The following HS6ST3 variants were observed in gnomAD, a reference collection of about 807,000 sequenced individuals.
The protein encoded by HS6ST3 is heparan-sulfate 6-O-sulfotransferase 3.
In HS6ST3, 12 loss-of-function variants were observed where a neutral mutation model predicts 36.7. The observed-to-expected ratio is 0.33, with a 90% CI of 0.21 to 0.53. The LOEUF (loss-of-function observed/expected upper bound fraction) is 0.53. HS6ST3 is among the 20% of genes least tolerant of loss of function. HS6ST3 has a pLI of 0.95. For missense variants in HS6ST3, 584 were observed against 640.9 expected, an observed-to-expected ratio of 0.91 and a Z score of 0.96; for synonymous variants, 240 against 257.5, an observed-to-expected ratio of 0.93 and a Z score of 0.65.
At chr13:96,436,107 G>A (rs932837772) in intron 1 of HS6ST3, among the ~76,000 whole-genome samples, 7 of 152,164 alleles carry the variant, frequency 4.6e-5, no homozygotes, top group African/African-American at 1.7e-4. Context: ...GAATGCCCAA[G>A]CACTCATGGC....
At chr13:96,122,680 G>A (rs2053931806) in intron 1 of HS6ST3, among the ~76,000 whole-genome samples, 1 of 152,154 alleles carries the variant, frequency 6.6e-6, no homozygotes, top group Non-Finnish European at 1.5e-5. Flanking sequence ...CAAGTGGGGT[G>A]ACTAGACAAC....
intron 1 of HS6ST3, among the ~76,000 whole-genome samples, chr13:96,320,197 A>G (rs1015713525): frequency 6.6e-6 from 1 of 152,166 alleles, no homozygotes; most frequent in Non-Finnish European, 1.5e-5. Context: ...TTGTGCACAC[A>G]TGAACACTTT....
intron 1 of HS6ST3, among the ~76,000 whole-genome samples, chr13:96,672,690 CTGTT>C (rs1239029669): frequency 6.6e-6 from 1 of 152,150 alleles, no homozygotes; most frequent in Non-Finnish European, 1.5e-5. Context: ...TGGGGGATAA[CTGTT>C]TGAAGACTTG....
intron 1 of HS6ST3, among the ~76,000 whole-genome samples, chr13:96,415,105 T>C (rs2055526477): frequency 6.6e-6 from 1 of 152,340 alleles, no homozygotes; most frequent in South Asian, 2.1e-4. Context: ...GCTTGGACAT[T>C]ACTGCCTTGC....
At chr13:96,337,637 G>C (rs560998246) in intron 1 of HS6ST3, among the ~76,000 whole-genome samples, 1 of 152,220 alleles carries the variant, frequency 6.6e-6, no homozygotes, top group African/African-American at 2.4e-5. Context: ...CTACATCAGG[G>C]AAGGTATTTT....
intron 1 of HS6ST3, among the ~76,000 whole-genome samples, chr13:96,694,876 AC>A (rs1875080799): frequency 6.6e-6 from 1 of 152,066 alleles, no homozygotes; most frequent in Non-Finnish European, 1.5e-5. Flanking sequence ...AGGGAAAAAA[AC>A]AACACAAACT....
intron 1 of HS6ST3, among the ~76,000 whole-genome samples, chr13:96,281,649 A>G (rs2054776592): frequency 1.3e-5 from 2 of 152,188 alleles, no homozygotes; most frequent in Non-Finnish European, 2.9e-5. Flanking sequence ...AAATTACTGG[A>G]AATGTTTTTG....
At chr13:96,759,599 A>G (rs1876917592) in intron 1 of HS6ST3, among the ~76,000 whole-genome samples, 1 of 151,940 alleles carries the variant, frequency 6.6e-6, no homozygotes, top group Admixed American at 6.6e-5. Flanking sequence ...TTGTTGTGAT[A>G]TATTTTAAAT....
At position 96,407,688 on chromosome 13, in the gene HS6ST3, T is replaced by C. The variant is rs574242069; in HGVS notation, c.707+316119T>C. Among the ~76,000 whole-genome samples, 7 of 152,276 alleles carry C rather than the reference T, an allele frequency of 4.6e-5. No homozygotes were observed. In the South Asian group the frequency reaches 1.5e-3, roughly 32 times the overall value. On this transcript the variant is annotated intron_variant, in intron 1 of 1. Coordinates refer to ENST00000376705, the MANE Select transcript of HS6ST3 (RefSeq NM_153456.4). ...ACATGTAAAGCAGAATATGAAATTG[T>C]CCTCGTCCATGGAGAATTTACATTA...
At chr13:96,318,305 G>A (rs950746374) in intron 1 of HS6ST3, among the ~76,000 whole-genome samples, 1 of 152,170 alleles carries the variant, frequency 6.6e-6, no homozygotes. Context: ...GCTGAGGCAG[G>A]TGGATCACCT....
intron 1 of HS6ST3, among the ~76,000 whole-genome samples, chr13:96,302,119 A>T (rs2054886390): frequency 6.6e-6 from 1 of 151,896 alleles, no homozygotes; most frequent in South Asian, 2.1e-4. Flanking sequence ...GTATCAATTG[A>T]GGAAGCCTCT....
chr13:96,544,704 T>C (rs2056190764), intron 1 of HS6ST3, among the ~76,000 whole-genome samples: 1 of 152,170 alleles, frequency 6.6e-6, no homozygotes, highest in Non-Finnish European at 1.5e-5. Context: ...CCCTCTCATC[T>C]TTCTCCTCTC....
intron 1 of HS6ST3, among the ~76,000 whole-genome samples, chr13:96,291,484 G>A (rs2054829724): frequency 1.3e-5 from 2 of 152,118 alleles, no homozygotes; most frequent in South Asian, 2.1e-4. Context: ...GAAAATCCAC[G>A]TGCTAGTGTG....
intron 1 of HS6ST3, among the ~76,000 whole-genome samples, chr13:96,186,666 T>C (rs570921584): frequency 2.5e-4 from 38 of 152,314 alleles, no homozygotes; most frequent in African/African-American, 6.3e-4. Flanking sequence ...TATTTTTGAC[T>C]CTGTGGGCAA....
intron 1 of HS6ST3, among the ~76,000 whole-genome samples, chr13:96,329,098 G>T (rs1173204476): frequency 1.3e-5 from 2 of 150,286 alleles, no homozygotes; most frequent in African/African-American, 2.5e-5. Flanking sequence ...CTTGCTAGTG[G>T]TCTATCAATT....
chr13:96,448,736 T>A (rs2055711730), intron 1 of HS6ST3, among the ~76,000 whole-genome samples: 1 of 152,038 alleles, frequency 6.6e-6, no homozygotes, highest in African/African-American at 2.4e-5. Context: ...CTACCTAATG[T>A]CTCTCTAACA....
chr13:96,154,701 A>G (rs2054102460), intron 1 of HS6ST3, among the ~76,000 whole-genome samples: 1 of 152,174 alleles, frequency 6.6e-6, no homozygotes, highest in African/African-American at 2.4e-5. Flanking sequence ...ATTCTCTGTA[A>G]TAAGGGAAGT....
intron 1 of HS6ST3, among the ~76,000 whole-genome samples, chr13:96,343,425 T>A (rs1475435386): frequency 6.6e-6 from 1 of 152,174 alleles, no homozygotes; most frequent in African/African-American, 2.4e-5. Flanking sequence ...AATAGGAAGT[T>A]GAGCCCTTCT....
intron 1 of HS6ST3, among the ~76,000 whole-genome samples, chr13:96,332,002 C>T (rs947810092): frequency 1.1e-4 from 16 of 152,252 alleles, no homozygotes; most frequent in South Asian, 2.1e-4. Flanking sequence ...TGACCCCTTG[C>T]GCTTCCCAAG....
Sources: allele counts gnomAD v4.1 joint callset (sites outside exome capture counted in the v4.1 genomes callset), GRCh38; gene constraint gnomAD v4.1.1; transcripts MANE v1.5; gene names NCBI Gene and HGNC (gene_info 2026-07-23, HGNC 2026-07-21).